RIMS1: variants seen among roughly 807,000 people sequenced by gnomAD.
RIMS1 encodes regulating synaptic membrane exocytosis protein 1.
In RIMS1, 83 loss-of-function variants were observed where a neutral mutation model predicts 214.1. The observed-to-expected ratio is 0.39, with a 90% CI of 0.32 to 0.47. The LOEUF (loss-of-function observed/expected upper bound fraction) is 0.47. RIMS1 is among the 20% of genes least tolerant of loss of function. The pLI, the probability that RIMS1 is intolerant of heterozygous loss-of-function variation, is 0.99. For missense variants in RIMS1, 2,050 were observed against 2,161.8 expected, an observed-to-expected ratio of 0.95 and a Z score of 1.03; for synonymous variants, 793 against 786.8, an observed-to-expected ratio of 1.01 and a Z score of -0.13.
chr6:72,303,216 T>A (rs1324233230), intron 26 of RIMS1, among the ~76,000 whole-genome samples: 1 of 150,932 alleles, frequency 6.6e-6, no homozygotes, highest in Non-Finnish European at 1.5e-5. Flanking sequence ...GAGGTTATAT[T>A]ATAGAAAATT....
In RIMS1 at chr6:72,261,228, C is replaced by T. The variant is rs186099033; in HGVS notation, c.3116+461C>T. ...TTTATTGTTGTTTATATTCTGTTTG[C>T]TTTTGATAAAATCTTTAACAGTTCA... On this transcript the variant is annotated intron_variant, in intron 19 of 33. Transcript: ENST00000521978. 1.2e-4 allele frequency: 119 copies of T among 1,003,506 alleles called. No individual in the cohort carries two copies. The African/African-American group carries it at 1.9e-3, about 16-fold the overall frequency. 62.2% of individuals were successfully genotyped at this position (1,003,506 alleles called of 1,614,324 possible). A position where few individuals can be genotyped will look rare whatever the true frequency, so the allele number is the denominator to read the frequency against.
At chr6:71,926,552 T>A (rs1348193763) in intron 1 of RIMS1, among the ~76,000 whole-genome samples, 1 of 152,216 alleles carries the variant, frequency 6.6e-6, no homozygotes, top group African/African-American at 2.4e-5. Context: ...AGATCTCTGC[T>A]CAGCATTGTA....
At chr6:72,274,552 T>TA in intron 23 of RIMS1, 120 bp downstream of exon 23, 1 of 746,118 alleles carries the variant, frequency 1.3e-6, no homozygotes, top group Non-Finnish European at 2.3e-6. Context: ...CAGAGCCAGA[T>TA]ATGTTAGATG....
intron 28 of RIMS1, among the ~76,000 whole-genome samples, chr6:72,332,718 C>T (rs1419564723): frequency 6.6e-6 from 1 of 151,570 alleles, no homozygotes; most frequent in African/African-American, 2.4e-5. Flanking sequence ...ATCCATGCTC[C>T]CTGCTTGCTT....
At chr6:72,347,870 T>C (rs1262443511) in intron 29 of RIMS1, among the ~76,000 whole-genome samples, 1 of 151,912 alleles carries the variant, frequency 6.6e-6, no homozygotes, top group Non-Finnish European at 1.5e-5. Context: ...GGAGTTCTCA[T>C]GTGGTGCTGT....
At chr6:71,917,319 G>A (rs1463813394) in intron 1 of RIMS1, among the ~76,000 whole-genome samples, 1 of 152,108 alleles carries the variant, frequency 6.6e-6, no homozygotes. Flanking sequence ...GTTTCAGGTA[G>A]GATTGTCAGG....
At chr6:72,288,560 G>A (rs142994742) in intron 24 of RIMS1, among the ~76,000 whole-genome samples, 172 of 152,258 alleles carry the variant, frequency 1.1e-3, no homozygotes, top group African/African-American at 4.1e-3. Context: ...TCATTGAAAA[G>A]ATCAGGGCAC....
intron 4 of RIMS1, among the ~76,000 whole-genome samples, chr6:72,148,266 A>G (rs2043013171): frequency 1.3e-5 from 2 of 152,184 alleles, no homozygotes; most frequent in African/African-American, 4.8e-5. Flanking sequence ...CCAATGATTC[A>G]AGATGCACTC....
Position 72,390,582 on chromosome 6 carries a change from T to C in RIMS1, c.4367-16T>C. ...TCTAAATAAAACTTAGAGTTTCTTT[T>C]ACTCTCTCCTGTCAGAGTCGGGCCA... On this transcript the variant is annotated splice_polypyrimidine_tract_variant and intron_variant, in intron 29 of 33. Transcript: ENST00000521978. 2 of 1,604,708 alleles carry C rather than the reference T, an allele frequency of 1.2e-6. No homozygotes were observed. Among genetic ancestry groups the C allele is most frequent in the Non-Finnish European group, 1.7e-6 (2 of 1,175,134 alleles).
intron 1 of RIMS1, among the ~76,000 whole-genome samples, chr6:71,964,281 T>A (rs562282414): frequency 6.6e-6 from 1 of 152,276 alleles, no homozygotes; most frequent in African/African-American, 2.4e-5. Flanking sequence ...ATGGGAGTCC[T>A]GATGCTATCC....
chr6:72,359,270 G>C (rs987751072), intron 29 of RIMS1, among the ~76,000 whole-genome samples: 1 of 152,094 alleles, frequency 6.6e-6, no homozygotes, highest in Non-Finnish European at 1.5e-5. Context: ...TTAATGTGCT[G>C]GTCACATCTT....
At chr6:71,954,044 A>G (rs761547829) in intron 1 of RIMS1, among the ~76,000 whole-genome samples, 14 of 152,170 alleles carry the variant, frequency 9.2e-5, no homozygotes, top group Non-Finnish European at 1.8e-4. Context: ...TGAGACTTTC[A>G]TGACTTTTTT....
chr6:72,342,720 C>A (rs1215308377), intron 29 of RIMS1, among the ~76,000 whole-genome samples: 2 of 151,316 alleles, frequency 1.3e-5, no homozygotes, highest in African/African-American at 4.9e-5. Flanking sequence ...GGATATAACA[C>A]CTCTAGATGG....
At chr6:72,061,067 G>T (rs1827715066) in intron 2 of RIMS1, among the ~76,000 whole-genome samples, 1 of 152,034 alleles carries the variant, frequency 6.6e-6, no homozygotes, top group Non-Finnish European at 1.5e-5. Context: ...TTTTTGTGAG[G>T]TATGTGATTA....
At chr6:72,303,995 A>G (rs976898696) in intron 26 of RIMS1, among the ~76,000 whole-genome samples, 14 of 151,624 alleles carry the variant, frequency 9.2e-5, no homozygotes, top group African/African-American at 2.9e-4. Context: ...TTTATTATAC[A>G]TAAGCTAAAT....
intron 6 of RIMS1, chr6:72,217,384 T>C: frequency 1.5e-6 from 1 of 680,074 alleles, no homozygotes; most frequent in South Asian, 2.7e-5. Flanking sequence ...TATATAAATA[T>C]GTAATTTTAG....
chr6:72,366,424 T>C (rs936448368), intron 29 of RIMS1, among the ~76,000 whole-genome samples: 2 of 152,252 alleles, frequency 1.3e-5, no homozygotes, highest in Non-Finnish European at 2.9e-5. Context: ...TTGGAGAAGC[T>C]ATATTATATT....
At chr6:72,026,462 C>T (rs553431955) in intron 2 of RIMS1, among the ~76,000 whole-genome samples, 12 of 141,926 alleles carry the variant, frequency 8.5e-5, no homozygotes, top group Admixed American at 2.1e-4. Flanking sequence ...ACCGCCCCCC[C>T]CCCCAACTTT....
At position 72,377,341 on chromosome 6, in the gene RIMS1, A is replaced by G. The variant is rs2098408209; in HGVS notation, c.4367-13257A>G. 5.3e-5 allele frequency among the ~76,000 whole-genome samples: 8 copies of G among 152,284 alleles called. No homozygotes were observed. The South Asian group carries it at 1.5e-3, about 28-fold the overall frequency. ...TCAGGAGAGTAAACCCTAGAAAGAC[A>G]TCTGGGCTAGCTCTGGGATTGGATG... On this transcript the variant is annotated intron_variant, in intron 29 of 33. Coordinates refer to ENST00000521978, the MANE Select transcript of RIMS1 (RefSeq NM_014989.7).
Sources: allele counts gnomAD v4.1 joint callset (sites outside exome capture counted in the v4.1 genomes callset), GRCh38; gene constraint gnomAD v4.1.1; transcripts MANE v1.5; gene names NCBI Gene and HGNC (gene_info 2026-07-23, HGNC 2026-07-21).